CDH23: variants seen among roughly 807,000 people sequenced by gnomAD.
CDH23 encodes cadherin related 23, also known as cadherin-23.
A neutral mutation model predicts 317.1 loss-of-function variants in CDH23; 189 were observed. The ratio of observed to expected loss-of-function variants is 0.60; its 90% CI spans 0.53 to 0.67. CDH23 has a LOEUF of 0.67. CDH23 is among the 30% of genes least tolerant of loss of function. CDH23 has a pLI of 0.00. For synonymous variants in CDH23, 1,839 were observed against 1,876.8 expected, an observed-to-expected ratio of 0.98 and a Z score of 0.52; for missense variants, 4,401 against 4,592.4, an observed-to-expected ratio of 0.96 and a Z score of 1.20.
intron 1 of CDH23, among the ~76,000 whole-genome samples, chr10:71,410,653 G>A (rs571376164): frequency 1.3e-5 from 2 of 152,142 alleles, no homozygotes; most frequent in Admixed American, 1.3e-4. Context: ...GCCATTACCC[G>A]TCATCCTCTG....
At chr10:71,724,148 AG>A in intron 29 of CDH23, 43 bp downstream of exon 29, 1 of 1,543,480 alleles carries the variant, frequency 6.5e-7, no homozygotes, top group Non-Finnish European at 8.8e-7. Flanking sequence ...CCTCCTGCCC[AG>A]GGGAGGGCAG....
At chr10:71,774,051 G>GCGCA (rs1491406336) in intron 38 of CDH23, among the ~76,000 whole-genome samples, 94 of 88,556 alleles carry the variant, frequency 1.1e-3, no homozygotes, top group Middle Eastern at 0.013. Context: ...ATGCGCGCGC[G>GCGCA]CACACACACA....
intron 1 of CDH23, among the ~76,000 whole-genome samples, chr10:71,415,540 T>G (rs754834913): frequency 3.3e-5 from 5 of 152,256 alleles, no homozygotes; most frequent in Non-Finnish European, 7.3e-5. Flanking sequence ...AATTTGTATT[T>G]CTTTTCTTCA....
At chr10:71,579,303 G>T (rs915438098) in intron 9 of CDH23, among the ~76,000 whole-genome samples, 2 of 152,046 alleles carry the variant, frequency 1.3e-5, no homozygotes, top group Non-Finnish European at 2.9e-5. Flanking sequence ...CTAAGCCCAG[G>T]GAACCCCAGG....
At chr10:71,530,069 A>ACACT (rs1260256322) in intron 6 of CDH23, among the ~76,000 whole-genome samples, 6 of 145,012 alleles carry the variant, frequency 4.1e-5, no homozygotes, top group South Asian at 4.3e-4. Context: ...ACACACACAC[A>ACACT]CTCTCCCCAG....
chr10:71,793,324 C>T lies in CDH23; in HGVS notation c.6396C>T (p.Ile2132=), dbSNP rs1311319087. 4.3e-6 allele frequency: 7 copies of T among 1,613,854 alleles called. No individual in the cohort carries two copies. Among genetic ancestry groups the T allele is most frequent in the African/African-American group, 1.3e-5 (1 of 74,904 alleles). ...TCATCCGTGTTGGTAATGCCACCAT[C>T]GACAGAGAGGAGCAGGAGTCCTACA... ...TGVIRVGNAT[I]DREEQESYRL... Residue 2132 remains isoleucine, a synonymous_variant, in exon 48 of 70, where the codon ATC becomes ATT. Coordinates refer to ENST00000224721, the MANE Select transcript of CDH23 (RefSeq NM_022124.6).
rs1177365504 is a variant in CDH23 at position 71,813,343 on chromosome 10, T to C, written c.9733T>C (p.Ser3245Pro). ...QKASSCHSSI[S>P]ELIQTELDEE... ...AGCCTCCTCCTGCCACTCCTCCATC[T>C]CTGAGGTAGCCGGCTGGGTGGCTGG... The change falls in exon 69 of 70, where the codon TCT becomes CCT. Residue 3245 changes from serine to proline, a missense_variant. Around this residue, in one of 3 missense-constraint regions of CDH23, gnomAD observed 1,144 missense variants for 1,138.2 expected, o/e 1.01. Coordinates refer to ENST00000224721, the MANE Select transcript of CDH23 (RefSeq NM_022124.6). The C allele has an allele frequency of 6.4e-7, 1 of 1,551,546 alleles. No individual in the cohort carries two copies. Among genetic ancestry groups the C allele is most frequent in the Non-Finnish European group, 8.7e-7 (1 of 1,146,918 alleles).
At chr10:71,566,354 T>G (rs1231636479) in intron 6 of CDH23, among the ~76,000 whole-genome samples, 1 of 151,758 alleles carries the variant, frequency 6.6e-6, no homozygotes, top group Non-Finnish European at 1.5e-5. Context: ...GGTCTGTCTG[T>G]GAAGGGCTGC....
intron 19 of CDH23, among the ~76,000 whole-genome samples, chr10:71,688,986 G>C (rs866133254): frequency 5.9e-5 from 1 of 17,036 alleles, no homozygotes; most frequent in African/African-American, 2.0e-4. Flanking sequence ...GGGTGGTGGA[G>C]TCAGGGATGG....
In CDH23 at chr10:71,811,550, G is replaced by A. The variant is rs369395479; in HGVS notation, c.9238G>A (p.Ala3080Thr). The A allele has an allele frequency of 7.0e-4, 1,122 of 1,613,840 alleles. 12 individuals are homozygous for A. In the South Asian group the frequency reaches 9.5e-3, roughly 14 times the overall value. The change falls in exon 64 of 70, where the codon GCC becomes ACC. Residue 3080 changes from alanine (A) to threonine (T), a missense_variant. Transcript: ENST00000224721. The part of the protein sequence containing the change: ...IVLAILLFLA[A>T]MLFVLMNWYY... ...CCTGGCTATCCTCCTGTTCCTGGCCGCCATGCTCTTTGTCCTCATGAACTG... is the reference window on the plus strand; with the variant it reads ...CCTGGCTATCCTCCTGTTCCTGGCCACCATGCTCTTTGTCCTCATGAACTG...
intron 49 of CDH23, 131 bp downstream of exon 49, chr10:71,797,351 C>T: frequency 1.6e-6 from 1 of 644,386 alleles, no homozygotes; most frequent in Non-Finnish European, 2.8e-6. Context: ...GGCCAGGAGT[C>T]AGGCAACACA....
chr10:71,570,264 G>A (rs965412867), intron 7 of CDH23, among the ~76,000 whole-genome samples: 6 of 152,168 alleles, frequency 3.9e-5, no homozygotes, highest in Non-Finnish European at 8.8e-5. Context: ...CAGGGACACA[G>A]GTGCCAGATT....
At position 71,788,921 on chromosome 10, in the gene CDH23, C is replaced by T. The variant is rs746078890; in HGVS notation, c.5821-19C>T. ...TTGCTGAGCATGGCCTACAACGTGC[C>T]CCATTCTGCCCCTTGCAGGATTATG... On this transcript the variant is annotated intron_variant, in intron 44 of 69. Coordinates refer to ENST00000224721, the MANE Select transcript of CDH23 (RefSeq NM_022124.6). 3.8e-6 allele frequency: 5 copies of T among 1,311,000 alleles called. No homozygotes were observed. Among genetic ancestry groups the T allele is most frequent in the Non-Finnish European group, 4.4e-6 (4 of 903,280 alleles). The allele number at this position is 1,311,000 out of a possible 1,614,324, so 81.2% of individuals were successfully genotyped here.
chr10:71,524,945 T>C (rs1426617470), intron 6 of CDH23, among the ~76,000 whole-genome samples: 3 of 152,394 alleles, frequency 2.0e-5, no homozygotes, highest in East Asian at 3.9e-4. Flanking sequence ...AGACAGAGTC[T>C]TACTCTGTCA....
At chr10:71,758,460 T>C (rs1415548451) in intron 38 of CDH23, among the ~76,000 whole-genome samples, 5 of 152,248 alleles carry the variant, frequency 3.3e-5, no homozygotes, top group Non-Finnish European at 1.5e-5. Context: ...TGCTGGGTAT[T>C]CTCACCCAAC....
chr10:71,523,832 G>A (rs568173852), intron 6 of CDH23, among the ~76,000 whole-genome samples: 7 of 152,290 alleles, frequency 4.6e-5, no homozygotes, highest in African/African-American at 1.4e-4. Flanking sequence ...AGCCCGGAAG[G>A]CTGGCGGGGT....
intron 20 of CDH23, among the ~76,000 whole-genome samples, chr10:71,691,903 G>A (rs1313356841): frequency 5.3e-5 from 8 of 152,152 alleles, no homozygotes; most frequent in Admixed American, 4.6e-4. Flanking sequence ...TGATGGGTAC[G>A]AAGACTGAGG....
intron 1 of CDH23, among the ~76,000 whole-genome samples, chr10:71,435,766 C>A (rs1849588526): frequency 6.6e-6 from 1 of 152,166 alleles, no homozygotes; most frequent in South Asian, 2.1e-4. Context: ...GTGAGGAGGC[C>A]AGGAGGCTGG....
intron 1 of CDH23, among the ~76,000 whole-genome samples, chr10:71,414,139 T>G (rs891173799): frequency 6.6e-6 from 1 of 151,756 alleles, no homozygotes; most frequent in Non-Finnish European, 1.5e-5. Context: ...AGAAATAATT[T>G]TACTTCTTCC....
Sources: gnomAD v4.1 joint callset for allele counts (sites outside exome capture counted in the v4.1 genomes callset) on GRCh38, gnomAD v4.1.1 for gene constraint, gnomAD v4.1.1 regional missense constraint, MANE v1.5 for transcripts, NCBI Gene and HGNC (gene_info 2026-07-23, HGNC 2026-07-21) for gene names.